Variants in SIPA1L1 observed in about 807,000 individuals in gnomAD.
SIPA1L1 encodes signal-induced proliferation-associated 1-like protein 1.
In SIPA1L1, 26 loss-of-function variants were observed where a neutral mutation model predicts 162.7. That is an observed-to-expected ratio of 0.16 (90% CI 0.12 to 0.22). SIPA1L1 has a LOEUF of 0.22. Among genes scored for constraint, SIPA1L1 ranks in the 10% least tolerant of loss-of-function variants. The probability of loss-of-function intolerance (pLI) is 1.00; values close to 1 mark genes in which losing one functional copy is unlikely to be tolerated. For missense variants in SIPA1L1, 1,874 were observed against 2,241.0 expected, an observed-to-expected ratio of 0.84 and a Z score of 3.31; for synonymous variants, 829 against 837.4, an observed-to-expected ratio of 0.99 and a Z score of 0.17.
chr14:71,697,525 T>C (rs546279470), intron 13 of SIPA1L1, among the ~76,000 whole-genome samples: 1 of 152,282 alleles, frequency 6.6e-6, no homozygotes, highest in South Asian at 2.1e-4. Context: ...ATAACAAATA[T>C]AGGAAGGGCA....
intron 2 of SIPA1L1, among the ~76,000 whole-genome samples, chr14:71,460,117 C>T (rs2046483445): frequency 6.6e-6 from 1 of 152,136 alleles, no homozygotes; most frequent in Admixed American, 6.5e-5. Context: ...GAAGTGTATA[C>T]ATGCACAAAC....
intron 7 of SIPA1L1, among the ~76,000 whole-genome samples, chr14:71,642,238 G>A (rs1162240408): frequency 6.6e-6 from 1 of 152,170 alleles, no homozygotes; most frequent in Non-Finnish European, 1.5e-5. Flanking sequence ...CCAGCTTTCT[G>A]CCTGAAGAGA....
chr14:71,600,051 A>G (rs987101413), intron 5 of SIPA1L1, among the ~76,000 whole-genome samples: 1 of 152,146 alleles, frequency 6.6e-6, no homozygotes, highest in Non-Finnish European at 1.5e-5. Context: ...ATTTTACCCC[A>G]TTAAACTCAT....
chr14:71,338,010 C>G (rs1373171964), intron 2 of SIPA1L1, among the ~76,000 whole-genome samples: 3 of 152,076 alleles, frequency 2.0e-5, no homozygotes, highest in African/African-American at 7.2e-5. Context: ...ACTCTTATAC[C>G]CTTCCCTGCA....
intron 2 of SIPA1L1, among the ~76,000 whole-genome samples, chr14:71,428,371 T>G (rs553125419): frequency 7.7e-5 from 11 of 143,714 alleles, no homozygotes; most frequent in African/African-American, 1.8e-4. Context: ...TGATTTGCGG[T>G]TTTTTTTTTC....
At chr14:71,672,668 T>A in intron 12 of SIPA1L1, 46 bp downstream of exon 12, 2 of 1,590,856 alleles carry the variant, frequency 1.3e-6, no homozygotes, top group Non-Finnish European at 1.7e-6. Context: ...GAGTGCAGGG[T>A]TTGTGTACCA....
intron 2 of SIPA1L1, 32 bp from the exon 3 acceptor site, chr14:71,512,711 A>T (rs2051289267): frequency 6.5e-6 from 1 of 153,084 alleles, no homozygotes; most frequent in African/African-American, 2.4e-5. Context: ...ATCTATAAAG[A>T]ATCTCTGTTA....
chr14:71,514,267 C>G (rs2051477691), intron 3 of SIPA1L1, among the ~76,000 whole-genome samples: 1 of 152,144 alleles, frequency 6.6e-6, no homozygotes. Flanking sequence ...CCTGATTCTT[C>G]CCTTGGAGTG....
At chr14:71,658,071 A>G (rs568947600) in intron 8 of SIPA1L1, among the ~76,000 whole-genome samples, 8 of 152,224 alleles carry the variant, frequency 5.3e-5, no homozygotes, top group African/African-American at 1.7e-4. Context: ...GTGCGCTTCG[A>G]TATAATTTCT....
intron 12 of SIPA1L1, among the ~76,000 whole-genome samples, chr14:71,682,814 T>A (rs1297777170): frequency 1.3e-5 from 2 of 152,260 alleles, no homozygotes; most frequent in Non-Finnish European, 2.9e-5. Flanking sequence ...TATCATTATT[T>A]ATTTTATTAT....
intron 7 of SIPA1L1, among the ~76,000 whole-genome samples, chr14:71,648,715 A>G (rs1412902302): frequency 6.6e-6 from 1 of 152,226 alleles, no homozygotes; most frequent in East Asian, 1.9e-4. Context: ...CCCCATGTCA[A>G]GTTTTGCTGC....
At chr14:71,547,543 G>A (rs961025499) in intron 4 of SIPA1L1, among the ~76,000 whole-genome samples, 2 of 151,906 alleles carry the variant, frequency 1.3e-5, no homozygotes, top group Non-Finnish European at 2.9e-5. Context: ...ATCCGTGCGC[G>A]TTGGCCTCCC....
At chr14:71,336,866 C>G (rs1156403903) in intron 2 of SIPA1L1, among the ~76,000 whole-genome samples, 2 of 152,164 alleles carry the variant, frequency 1.3e-5, no homozygotes, top group East Asian at 3.8e-4. Context: ...TGTGACCAAG[C>G]TTTATCATTT....
intron 12 of SIPA1L1, among the ~76,000 whole-genome samples, chr14:71,676,437 C>A (rs892472057): frequency 1.3e-5 from 2 of 150,090 alleles, no homozygotes; most frequent in Non-Finnish European, 3.0e-5. Flanking sequence ...AGCAAACTTT[C>A]TGAGCCCCTA....
chr14:71,459,190 G>A (rs1362601355), intron 2 of SIPA1L1, among the ~76,000 whole-genome samples: 1 of 152,140 alleles, frequency 6.6e-6, no homozygotes, highest in Non-Finnish European at 1.5e-5. Context: ...ATTTTAAAGG[G>A]GAGAGTAAGA....
At chr14:71,370,769 C>A (rs1399172327) in intron 2 of SIPA1L1, among the ~76,000 whole-genome samples, 1 of 152,174 alleles carries the variant, frequency 6.6e-6, no homozygotes, top group African/African-American at 2.4e-5. Flanking sequence ...TTGATTCCAA[C>A]TGTGATGCTC....
rs1475653383 is a variant in SIPA1L1 at position 71,493,732 on chromosome 14, A to G, written c.-464-19011A>G. Among the ~76,000 whole-genome samples the G allele has an allele frequency of 2.6e-5, 4 of 152,232 alleles. No homozygotes were observed. In the East Asian group the frequency reaches 7.7e-4, roughly 29 times the overall value. On this transcript the variant is annotated intron_variant, in intron 2 of 23. Coordinates refer to ENST00000381232, the MANE Select transcript of SIPA1L1 (RefSeq NM_001386936.1). The stretch of plus-strand genomic sequence containing the variant: ...CAGTGAAGCTGATACTATAAAGTCT[A>G]TATGATTTTATTCAAATGGATTAAG...
At chr14:71,416,511 A>T (rs950569880) in intron 2 of SIPA1L1, among the ~76,000 whole-genome samples, 1 of 152,036 alleles carries the variant, frequency 6.6e-6, no homozygotes, top group African/African-American at 2.4e-5. Context: ...AGTATCTCTA[A>T]TAGGTCAGGT....
Position 71,724,694 on chromosome 14 carries a change from A to G in SIPA1L1, c.4473A>G (p.Glu1491=). The G allele has an allele frequency of 1.2e-6, 2 of 1,613,924 alleles. No individual in the cohort carries two copies. The highest frequency in any genetic ancestry group is 1.7e-6 in the Non-Finnish European group (2 of 1,179,968). The change falls in exon 19 of 24, where the codon GAA becomes GAG. Residue 1491 remains glutamate (E), a synonymous_variant. Coordinates refer to ENST00000381232, the MANE Select transcript of SIPA1L1 (RefSeq NM_001386936.1). The part of the protein sequence containing the change: ...TRKRHQSDGN[E]IAHTRLRAST... ...GGCGTCATCAGAGCGATGGCAATGA[A>G]ATAGCCCACACCAGGCTGCGTGCCT... is the stretch of plus-strand genomic sequence containing the variant.
Sources: allele counts gnomAD v4.1 joint callset (sites outside exome capture counted in the v4.1 genomes callset), GRCh38; gene constraint gnomAD v4.1.1; transcripts MANE v1.5; gene names NCBI Gene and HGNC (gene_info 2026-07-23, HGNC 2026-07-21).